SLC43A2: variants seen among roughly 807,000 people sequenced by gnomAD.
SLC43A2 encodes solute carrier family 43 member 2, also known as large neutral amino acids transporter small subunit 4.
Under a neutral mutation model 63.2 loss-of-function variants are expected in SLC43A2, and 38 were observed. That is an observed-to-expected ratio of 0.60 (90% CI 0.46 to 0.79). The LOEUF is 0.79. Ranked by LOEUF, SLC43A2 falls within the 30% of genes least tolerant of loss-of-function variation. SLC43A2 has a pLI of 0.00. For missense variants in SLC43A2, 644 were observed against 756.2 expected, an observed-to-expected ratio of 0.85 and a Z score of 1.74; for synonymous variants, 322 against 331.0, an observed-to-expected ratio of 0.97 and a Z score of 0.30.
Position 1,573,651 on chromosome 17 carries a change from GCT to G in SLC43A2, c.*1951_*1952del, listed in dbSNP as rs1445403151. On this transcript the variant is annotated 3_prime_UTR_variant, in exon 14 of 14. Coordinates refer to ENST00000301335, the MANE Select transcript of SLC43A2 (RefSeq NM_152346.3). Reference sequence around the variant, plus strand: ...TTTTTTCTTTTTGAGACGGAGCCTCGCTCTGTTGCCCAGGCTGGAGTGCAATG... The same window carrying G: ...TTTTTTCTTTTTGAGACGGAGCCTCGCTGTTGCCCAGGCTGGAGTGCAATG... 2 of 151,658 alleles carry G rather than the reference GCT, an allele frequency of 1.3e-5. No homozygotes were observed. The highest frequency in any genetic ancestry group is 1.3e-4 in the Admixed American group (2 of 15,216). 9.4% of individuals were successfully genotyped at this position (151,658 alleles called of 1,614,324 possible).
At position 1,605,167 on chromosome 17, in the gene SLC43A2, C is replaced by A. The variant is rs1335230218; in HGVS notation, c.501+8028G>T. On this transcript the variant is annotated intron_variant, in intron 5 of 13. Coordinates refer to ENST00000301335, the MANE Select transcript of SLC43A2 (RefSeq NM_152346.3). The surrounding 1 kb of genome is among the most constrained non-coding windows in gnomAD (Gnocchi z 4.9). The stretch of plus-strand genomic sequence containing the variant: ...TCTGCCTCCGTGCGGGTCAACCTGT[C>A]CTGCCAGCCCGGGCTGTTCACTCAC... 3.3e-6 allele frequency: 4 copies of A among 1,218,360 alleles called. No individual in the cohort carries two copies. Among genetic ancestry groups the A allele is most frequent in the Non-Finnish European group, 4.1e-6 (4 of 967,206 alleles). The allele number at this position is 1,218,360 out of a possible 1,614,324, so 75.5% of individuals were successfully genotyped here. A position where few individuals can be genotyped will look rare whatever the true frequency, so the allele number is the denominator to read the frequency against.
chr17:1,617,447 G>A (rs2151076750), intron 2 of SLC43A2, among the ~76,000 whole-genome samples: 1 of 152,036 alleles, frequency 6.6e-6, no homozygotes, highest in African/African-American at 2.4e-5. Flanking sequence ...CTGGAGTGCA[G>A]TAGCACGATC....
At chr17:1,627,667 A>AAACCCCCCCCCCCCC in intron 2 of SLC43A2, 48 bp downstream of exon 2, 2 of 393,380 alleles carry the variant, frequency 5.1e-6, no homozygotes, top group Non-Finnish European at 3.4e-6. Flanking sequence ...GCCCCCTCCC[A>AAACCCCCCCCCCCCC]AAGCCCCAGC....
At position 1,577,018 on chromosome 17, in the gene SLC43A2, C is replaced by G. The variant is rs1221226377; in HGVS notation, c.1425-298G>C. On this transcript the variant is annotated intron_variant, in intron 12 of 13. Coordinates refer to ENST00000301335, the MANE Select transcript of SLC43A2 (RefSeq NM_152346.3). This position sits in a 1 kb window ranked among gnomAD's most constrained non-coding sequence, Gnocchi z 4.9. ...TAGCTGGGATTACAGGCGCCCGCCACCACATCTGGCTAATTTTTTGTATTT... is the reference window on the plus strand; with the variant it reads ...TAGCTGGGATTACAGGCGCCCGCCAGCACATCTGGCTAATTTTTTGTATTT... Among the ~76,000 whole-genome samples, 2 of 152,142 alleles carry G rather than the reference C, an allele frequency of 1.3e-5. No individual in the cohort carries two copies. Among genetic ancestry groups the G allele is most frequent in the African/African-American group, 4.8e-5 (2 of 41,436 alleles).
At chr17:1,584,366 A>G (rs377467811) in intron 10 of SLC43A2, among the ~76,000 whole-genome samples, 2 of 152,142 alleles carry the variant, frequency 1.3e-5, no homozygotes, top group East Asian at 1.9e-4. Context: ...TGCAAGTCCC[A>G]GCCTCAGCTC....
At chr17:1,604,627 G>A in intron 5 of SLC43A2, 1 of 1,155,108 alleles carries the variant, frequency 8.7e-7, no homozygotes, top group South Asian at 1.4e-5. Context: ...GCCCACCTCA[G>A]CCTCCTGAGC....
intron 2 of SLC43A2, among the ~76,000 whole-genome samples, chr17:1,621,836 G>A (rs1431348503): frequency 3.3e-5 from 5 of 152,208 alleles, no homozygotes; most frequent in Admixed American, 1.3e-4. Context: ...GGTCTGTGCC[G>A]ATGCTGGCCT....
chr17:1,604,865 C>T lies in SLC43A2; in HGVS notation c.501+8330G>A, dbSNP rs1047211512. The T allele has an allele frequency of 4.0e-5, 62 of 1,535,512 alleles. No homozygotes were observed. In the East Asian group the frequency reaches 4.6e-4, roughly 11 times the overall value. ...GGGTCACTCCCCACATTCCCCCTCT[C>T]GCTCACTCCGTCCCCAGCTTCCCTG... On this transcript the variant is annotated intron_variant, in intron 5 of 13. Coordinates refer to ENST00000301335, the MANE Select transcript of SLC43A2 (RefSeq NM_152346.3).
Position 1,627,709 on chromosome 17 carries a change from T to A in SLC43A2, c.160+6A>T. 1 of 1,372,800 alleles carries A rather than the reference T, an allele frequency of 7.3e-7. No individual in the cohort carries two copies. Among genetic ancestry groups the A allele is most frequent in the South Asian group, 1.3e-5 (1 of 78,032 alleles). The allele number at this position is 1,372,800 out of a possible 1,614,324, so 85.0% of individuals were successfully genotyped here. On this transcript the variant is annotated splice_donor_region_variant and intron_variant, in intron 2 of 13. Transcript: ENST00000301335. ...AGCCCCCCGCAACCCCAGGCGCTTG[T>A]CTCACCTGGCTCGGTACACAGGTAG...
intron 5 of SLC43A2, among the ~76,000 whole-genome samples, chr17:1,597,292 C>T (rs1567627927): frequency 2.0e-5 from 3 of 148,600 alleles, no homozygotes; most frequent in Non-Finnish European, 4.5e-5. Flanking sequence ...ATCACAAGAT[C>T]AGGAGTTCAA....
chr17:1,620,642 G>T (rs1045027595), intron 2 of SLC43A2, among the ~76,000 whole-genome samples: 3 of 152,076 alleles, frequency 2.0e-5, no homozygotes, highest in Non-Finnish European at 4.4e-5. Context: ...GCCTGGGGCC[G>T]GGGAGGTGAG....
intron 2 of SLC43A2, 45 bp downstream of exon 2, chr17:1,627,670 G>GC: frequency 2.0e-6 from 1 of 491,234 alleles, no homozygotes; most frequent in Non-Finnish European, 2.8e-6. Context: ...CCCTCCCAAA[G>GC]CCCCAGCTCC....
intron 2 of SLC43A2, 48 bp downstream of exon 2, chr17:1,627,662 CTCCCA>C: frequency 2.2e-6 from 2 of 918,006 alleles, no homozygotes; most frequent in Non-Finnish European, 3.0e-6. Context: ...ATCCCGCCCC[CTCCCA>C]AAGCCCCAGC....
chr17:1,609,670 T>C (rs958905323), intron 5 of SLC43A2, among the ~76,000 whole-genome samples: 1 of 152,056 alleles, frequency 6.6e-6, no homozygotes, highest in Non-Finnish European at 1.5e-5. Context: ...CAAAAGTCCA[T>C]TAGTTGGAAA....
intron 9 of SLC43A2, among the ~76,000 whole-genome samples, chr17:1,588,341 A>T (rs1486811733): frequency 6.6e-6 from 1 of 151,006 alleles, no homozygotes; most frequent in Non-Finnish European, 1.5e-5. Flanking sequence ...AGCCGAGCTC[A>T]TGCCACTGTG....
At chr17:1,612,853 T>A (rs1907250739) in intron 5 of SLC43A2, among the ~76,000 whole-genome samples, 1 of 151,972 alleles carries the variant, frequency 6.6e-6, no homozygotes, top group Non-Finnish European at 1.5e-5. Context: ...ACGCCCATAG[T>A]CCCAGCTACT....
intron 2 of SLC43A2, among the ~76,000 whole-genome samples, chr17:1,620,714 C>T (rs985657979): frequency 6.6e-6 from 1 of 152,044 alleles, no homozygotes; most frequent in Non-Finnish European, 1.5e-5. Flanking sequence ...GGGAAGGAAG[C>T]CCTTGGTGAG....
chr17:1,627,662 CTCCCAAAG>C, intron 2 of SLC43A2, 45 bp downstream of exon 2: 11 of 917,966 alleles, frequency 1.2e-5, no homozygotes, highest in Non-Finnish European at 1.5e-5. Flanking sequence ...ATCCCGCCCC[CTCCCAAAG>C]CCCCAGCTCC....
At chr17:1,620,584 C>T (rs1191060179) in intron 2 of SLC43A2, among the ~76,000 whole-genome samples, 1 of 152,120 alleles carries the variant, frequency 6.6e-6, no homozygotes, top group East Asian at 1.9e-4. Context: ...CCACCAGGCC[C>T]TCTGCCCGGC....
Sources: gnomAD v4.1 joint callset for allele counts (sites outside exome capture counted in the v4.1 genomes callset) on GRCh38, gnomAD v4.1.1 for gene constraint, Gnocchi (gnomAD v3.1) non-coding constraint, MANE v1.5 for transcripts, NCBI Gene and HGNC (gene_info 2026-07-23, HGNC 2026-07-21) for gene names.